Variants in SMCO2 observed in about 807,000 individuals in gnomAD.
The protein encoded by SMCO2 is single-pass membrane protein with coiled-coil domains 2.
In SMCO2, 25 loss-of-function variants were observed where a neutral mutation model predicts 29.5. The observed-to-expected ratio is 0.85, with a 90% CI of 0.62 to 1.18. The LOEUF is 1.18. Among genes scored for constraint, SMCO2 ranks in the 50% most tolerant of loss-of-function variants. The pLI is 0.00. For missense variants in SMCO2, 348 were observed against 344.5 expected, an observed-to-expected ratio of 1.01 and a Z score of -0.08; for synonymous variants, 117 against 123.3, an observed-to-expected ratio of 0.95 and a Z score of 0.34.
chr12:27,462,365 A>G (rs564277223), upstream of SMCO2, among the ~76,000 whole-genome samples: 2 of 152,110 alleles, frequency 1.3e-5, no homozygotes, highest in African/African-American at 2.4e-5. Flanking sequence ...TTTGAACTCA[A>G]TTTCCTTAAA....
At chr12:27,474,705 G>A (rs997957202) in intron 3 of SMCO2, 81 bp from the exon 4 acceptor site, 1 of 1,499,728 alleles carries the variant, frequency 6.7e-7, no homozygotes, top group Non-Finnish European at 9.0e-7. Flanking sequence ...CCAGCAAAGG[G>A]GGATTGGGTA....
At chr12:27,451,377 C>G in the SMCO2 span, among the ~76,000 whole-genome samples, 1 of 152,072 alleles carries the variant, frequency 6.6e-6, no homozygotes, top group Non-Finnish European at 1.5e-5. Context: ...AACGGTCATC[C>G]ATTTCTGTCT....
chr12:27,464,379 C>A (rs1212997449), upstream of SMCO2, among the ~76,000 whole-genome samples: 1 of 151,980 alleles, frequency 6.6e-6, no homozygotes, highest in East Asian at 1.9e-4. Flanking sequence ...AGACAGAAAC[C>A]AGCTGTTGGG....
At chr12:27,486,389 A>G (rs1039038131) in intron 4 of SMCO2, among the ~76,000 whole-genome samples, 1 of 152,200 alleles carries the variant, frequency 6.6e-6, no homozygotes, top group Non-Finnish European at 1.5e-5. Context: ...AACTCTTTCC[A>G]GGAGTAACTT....
the SMCO2 span, among the ~76,000 whole-genome samples, chr12:27,456,460 A>T: frequency 3.9e-5 from 6 of 152,044 alleles, no homozygotes; most frequent in Non-Finnish European, 8.8e-5. Context: ...TGGTCGGCAG[A>T]GGGGGGAGGA....
intron 4 of SMCO2, among the ~76,000 whole-genome samples, chr12:27,479,255 T>TTG: frequency 6.6e-6 from 1 of 151,848 alleles, no homozygotes; most frequent in South Asian, 2.1e-4. Context: ...TAGTGTGCCC[T>TTG]GGTGCCAACA....
intron 5 of SMCO2, among the ~76,000 whole-genome samples, chr12:27,490,504 CTGTATG>C (rs1267205853): frequency 2.0e-5 from 3 of 152,146 alleles, no homozygotes; most frequent in African/African-American, 7.2e-5. Flanking sequence ...GTGAGTTTTA[CTGTATG>C]TAAATTATAT....
chr12:27,445,106 G>T, the SMCO2 span, among the ~76,000 whole-genome samples: 7 of 152,094 alleles, frequency 4.6e-5, no homozygotes, highest in Non-Finnish European at 8.8e-5. Context: ...GACAAATATC[G>T]TATGTTCTCA....
chr12:27,443,046 G>C, the SMCO2 span, among the ~76,000 whole-genome samples: 112,442 of 152,138 alleles, frequency 0.74, 42,252 homozygotes, highest in African/African-American at 0.85. Flanking sequence ...CAACACCAGA[G>C]AAGAAAATAC....
At chr12:27,496,519 G>A (rs916804941) in intron 7 of SMCO2, among the ~76,000 whole-genome samples, 2 of 150,614 alleles carry the variant, frequency 1.3e-5, no homozygotes, top group Non-Finnish European at 2.9e-5. Context: ...TTTGTTTGCT[G>A]TGCAGGATGC....
chr12:27,497,578 CAA>C (rs370625632), intron 7 of SMCO2: 3 of 142,632 alleles, frequency 2.1e-5, no homozygotes, highest in Admixed American at 7.1e-5. Flanking sequence ...CTTGTATCTA[CAA>C]AAAAAAAAAT....
the SMCO2 span, among the ~76,000 whole-genome samples, chr12:27,435,843 C>T: frequency 3.7e-4 from 56 of 152,126 alleles, no homozygotes; most frequent in African/African-American, 1.2e-3. Flanking sequence ...AGTGAGGCAG[C>T]GTGGGGTTCT....
chr12:27,477,209 GGTTTTTTTTTTTTT>G (rs1418895013), intron 4 of SMCO2, among the ~76,000 whole-genome samples: 25 of 134,062 alleles, frequency 1.9e-4, no homozygotes, highest in African/African-American at 2.5e-4. Flanking sequence ...TTGGCTGTCA[GGTTTTTTTTTTTTT>G]TTTTTTTTTT....
the SMCO2 span, among the ~76,000 whole-genome samples, chr12:27,438,728 GGCC>G: frequency 2.0e-5 from 3 of 151,966 alleles, no homozygotes; most frequent in African/African-American, 7.3e-5. Context: ...GTTCCAAAAT[GGCC>G]ACACAGAAGC....
At position 27,478,138 on chromosome 12, in the gene SMCO2, G is replaced by A. The variant is rs116079013; in HGVS notation, c.362+3225G>A. Among the ~76,000 whole-genome samples, 201 of 152,252 alleles carry A rather than the reference G, an allele frequency of 1.3e-3. 1 individual carries two copies. The highest frequency in any genetic ancestry group is 4.7e-3 in the African/African-American group (195 of 41,538). On this transcript the variant is annotated intron_variant, in intron 4 of 7. Coordinates refer to ENST00000298876, the Ensembl canonical transcript of SMCO2. ...TTTGGCTTTGATTATTGGTGGGTGG[G>A]CATACTAGTGTAGTCTCTACATGAT... is the stretch of plus-strand genomic sequence containing the variant.
the SMCO2 span, among the ~76,000 whole-genome samples, chr12:27,430,794 C>T: frequency 6.6e-6 from 1 of 152,086 alleles, no homozygotes; most frequent in Non-Finnish European, 1.5e-5. Context: ...CCATTTTACA[C>T]ACAAGCAAAC....
At chr12:27,494,169 A>T in intron 5 of SMCO2, 131 bp from the exon 7 acceptor site, 1 of 523,534 alleles carries the variant, frequency 1.9e-6, no homozygotes, top group South Asian at 3.2e-5. Context: ...CTCTAAGAGG[A>T]AGAAGTTTAC....
chr12:27,479,090 G>C (rs942551685), intron 4 of SMCO2, among the ~76,000 whole-genome samples: 8 of 152,212 alleles, frequency 5.3e-5, no homozygotes, highest in African/African-American at 1.9e-4. Context: ...CAGTGGCTAT[G>C]GGTGGAGCAA....
At chr12:27,474,721 G>A in intron 3 of SMCO2, 65 bp from the exon 4 acceptor site, 1 of 1,538,084 alleles carries the variant, frequency 6.5e-7, no homozygotes, top group Non-Finnish European at 8.8e-7. Flanking sequence ...GGGTAGGGCT[G>A]GAAGAACCAC....
Sources: gnomAD v4.1 joint callset for allele counts (sites outside exome capture counted in the v4.1 genomes callset) on GRCh38, gnomAD v4.1.1 for gene constraint, MANE v1.5 for transcripts, NCBI Gene and HGNC (gene_info 2026-07-23, HGNC 2026-07-21) for gene names.